Variants in ZMYND8 observed in about 807,000 individuals in gnomAD.
The protein encoded by ZMYND8 is MYND-type zinc finger-containing chromatin reader ZMYND8.
In ZMYND8, 37 loss-of-function variants were observed where a neutral mutation model predicts 140.8. The observed-to-expected ratio is 0.26, with a 90% confidence interval of 0.20 to 0.35. The LOEUF (loss-of-function observed/expected upper bound fraction) is 0.35. Among genes scored for constraint, ZMYND8 ranks in the 10% least tolerant of loss-of-function variants. ZMYND8 has a pLI of 1.00. For synonymous variants in ZMYND8, 592 were observed against 597.1 expected, an observed-to-expected ratio of 0.99 and a Z score of 0.12; for missense variants, 1,068 against 1,570.0, an observed-to-expected ratio of 0.68 and a Z score of 5.40.
At chr20:47,287,181 T>C in intron 8 of ZMYND8, 48 bp downstream of exon 8, 2 of 1,545,122 alleles carry the variant, frequency 1.3e-6, no homozygotes, top group South Asian at 2.2e-5. Flanking sequence ...AGCTGCCCCA[T>C]CCCCTCCTTC....
chr20:47,276,044 G>A (rs962646974), intron 11 of ZMYND8, among the ~76,000 whole-genome samples: 9 of 152,192 alleles, frequency 5.9e-5, no homozygotes, highest in Admixed American at 5.9e-4. Context: ...CCAAAATGCA[G>A]CGACATCTGA....
intron 3 of ZMYND8, among the ~76,000 whole-genome samples, chr20:47,306,024 G>A (rs1479204880): frequency 6.6e-6 from 1 of 152,068 alleles, no homozygotes; most frequent in Non-Finnish European, 1.5e-5. Context: ...CTGGACCAAA[G>A]GTCTTTTAAA....
chr20:47,230,854 C>G (rs948255847), intron 16 of ZMYND8, among the ~76,000 whole-genome samples: 1 of 152,126 alleles, frequency 6.6e-6, no homozygotes, highest in Non-Finnish European at 1.5e-5. Context: ...TCCCATCCCC[C>G]GCTCCCCCAG....
rs998035781 is a variant in ZMYND8 at position 47,291,813 on chromosome 20, G to T, written c.643C>A (p.Leu215Ile). The T allele has an allele frequency of 6.2e-7, 1 of 1,612,782 alleles. No individual in the cohort carries two copies. Among genetic ancestry groups the T allele is most frequent in the Non-Finnish European group, 8.5e-7 (1 of 1,179,446 alleles). ...AGGCCAACCTTTTCCAATGTACAAA[G>T]GTCCATTGGATGGAAGATGTATTCC... is the stretch of plus-strand genomic sequence containing the variant. ...YAEYIFHPMDLCTLEKNAKKK... is the reference protein window; with the variant it reads ...YAEYIFHPMDICTLEKNAKKK... The change falls in exon 6 of 23, where the codon CTT becomes ATT. Residue 215 changes from leucine to isoleucine, a missense_variant. By Grantham distance (5) the Leu-to-Ile change is conservative. This residue lies in a region of ZMYND8 where 109 missense variants were observed against 314.9 expected (regional missense o/e 0.35). Transcript: ENST00000471951.
At position 47,347,909 on chromosome 20, in the gene ZMYND8, A is replaced by T. The variant is rs1406377350; in HGVS notation, c.32T>A (p.Ile11Lys). Residue 11 changes from isoleucine to lysine, a missense_variant, in exon 2 of 23, where the codon ATA becomes AAA. This residue lies in a region of ZMYND8 where 77 missense variants were observed against 85.1 expected (regional missense o/e 0.91). Transcript: ENST00000471951. ...CTCTACCACCTCCTGTTCTGTTTTT[A>T]TTTCCTCTTCAGCCAAGCTGAAACA... MHPQSLAEEE[I>K]KTEQEVVEGM... 8.7e-6 allele frequency: 14 copies of T among 1,613,828 alleles called. No homozygotes were observed. The highest frequency in any genetic ancestry group is 1.0e-5 in the Non-Finnish European group (12 of 1,180,022).
At chr20:47,340,046 G>A (rs949351778) in intron 2 of ZMYND8, among the ~76,000 whole-genome samples, 14 of 151,352 alleles carry the variant, frequency 9.2e-5, no homozygotes, top group African/African-American at 3.2e-4. Context: ...GGTTTCCAGC[G>A]ATTCCCCTGC....
rs2040526959 is a variant in ZMYND8, at chr20:47,246,018, G to A, written c.2274C>T (p.Pro758=). Residue 758 remains proline, a synonymous_variant, in exon 14 of 23, where the codon CCC becomes CCT. Coordinates refer to ENST00000471951, the MANE Select transcript of ZMYND8 (RefSeq NM_001281775.3). ...KNKKEPKEPS[P]KQDVVGKTPP... is the part of the protein sequence containing the mutation. ...GATACAATCACTTACCATCCTGTTTGGGAGATGGTTCTTTGGGTTCCTTCT... is the reference window on the plus strand; with the variant it reads ...GATACAATCACTTACCATCCTGTTTAGGAGATGGTTCTTTGGGTTCCTTCT... 10 of 1,597,226 alleles carry A rather than the reference G, an allele frequency of 6.3e-6. No individual in the cohort carries two copies. In the East Asian group the frequency reaches 2.2e-4, roughly 36 times the overall value.
chr20:47,249,153 T>C, intron 13 of ZMYND8, 134 bp downstream of exon 13: 1 of 1,082,430 alleles, frequency 9.2e-7, no homozygotes, highest in Non-Finnish European at 1.3e-6. Flanking sequence ...ATATTTTAGC[T>C]GAGCAAATAG....
At position 47,298,526 on chromosome 20, in the gene ZMYND8, C is replaced by T. The variant is rs912945845; in HGVS notation, c.453+203G>A. On this transcript the variant is annotated intron_variant, in intron 4 of 22. Transcript: ENST00000471951. The surrounding 1 kb of genome is among the most constrained non-coding windows in gnomAD (Gnocchi z 5.0). ...TCATGAGAAATCAGAAATAATATTC[C>T]GTGCAATTGTCTTTCCAAGAGCTGC... 4.8e-5 allele frequency: 47 copies of T among 985,284 alleles called. No homozygotes were observed. Among genetic ancestry groups the T allele is most frequent in the South Asian group, 9.4e-5 (2 of 21,292 alleles). 61.0% of individuals were successfully genotyped at this position (985,284 alleles called of 1,614,324 possible).
At chr20:47,265,942 T>C (rs1398794761) in intron 11 of ZMYND8, among the ~76,000 whole-genome samples, 1 of 150,662 alleles carries the variant, frequency 6.6e-6, no homozygotes, top group African/African-American at 2.5e-5. Flanking sequence ...AAAACATTGG[T>C]TTCCCATGGA....
chr20:47,299,606 G>A (rs1020129502), intron 3 of ZMYND8, among the ~76,000 whole-genome samples: 3 of 151,156 alleles, frequency 2.0e-5, no homozygotes, highest in South Asian at 4.2e-4. Flanking sequence ...TTTCAGAGAC[G>A]GAGTCTCGCT....
At chr20:47,290,907 A>G (rs1324030857) in intron 6 of ZMYND8, among the ~76,000 whole-genome samples, 1 of 152,016 alleles carries the variant, frequency 6.6e-6, no homozygotes, top group Non-Finnish European at 1.5e-5. Flanking sequence ...GGTATTTCAT[A>G]TATTTATACA....
intron 3 of ZMYND8, among the ~76,000 whole-genome samples, chr20:47,303,022 C>T (rs913784369): frequency 6.6e-5 from 10 of 152,118 alleles, no homozygotes; most frequent in South Asian, 2.1e-4. Flanking sequence ...CCCTCACACA[C>T]GTAATTAGGA....
chr20:47,321,426 T>C (rs1298381551), intron 2 of ZMYND8, among the ~76,000 whole-genome samples: 1 of 152,162 alleles, frequency 6.6e-6, no homozygotes, highest in East Asian at 1.9e-4. Context: ...GTGAGGGATG[T>C]TGCTAAACAT....
chr20:47,219,375 A>T (rs1225203982), intron 21 of ZMYND8, among the ~76,000 whole-genome samples: 1 of 151,532 alleles, frequency 6.6e-6, no homozygotes. Flanking sequence ...TTTTTTAAAA[A>T]ATTAGCCAGG....
chr20:47,340,712 G>A (rs1329838750), intron 2 of ZMYND8, among the ~76,000 whole-genome samples: 6 of 151,930 alleles, frequency 3.9e-5, no homozygotes, highest in South Asian at 2.1e-4. Flanking sequence ...ACTTGAACCC[G>A]GGAAATGAAG....
intron 16 of ZMYND8, among the ~76,000 whole-genome samples, chr20:47,232,897 G>GTTTTTTTTTTT (rs144707608): frequency 2.7e-4 from 19 of 70,194 alleles, no homozygotes; most frequent in African/African-American, 7.7e-4. Flanking sequence ...GTTTTTTTTT[G>GTTTTTTTTTTT]TTTTTTTTGT....
chr20:47,291,741 C>A, intron 6 of ZMYND8, 55 bp downstream of exon 6: 1 of 1,447,220 alleles, frequency 6.9e-7, no homozygotes. Flanking sequence ...GAGGGAAGAG[C>A]CTTAGGCATC....
At chr20:47,266,131 T>C (rs2075502950) in intron 11 of ZMYND8, among the ~76,000 whole-genome samples, 1 of 152,162 alleles carries the variant, frequency 6.6e-6, no homozygotes, top group Non-Finnish European at 1.5e-5. Flanking sequence ...AGGTCTCCTA[T>C]GTCCACCTCC....
Sources: allele counts gnomAD v4.1 joint callset (sites outside exome capture counted in the v4.1 genomes callset), GRCh38; gene constraint gnomAD v4.1.1; regional missense constraint gnomAD v4.1.1; non-coding constraint Gnocchi (gnomAD v3.1); transcripts MANE v1.5; gene names NCBI Gene and HGNC (gene_info 2026-07-23, HGNC 2026-07-21).